SCAF4: variants seen among roughly 807,000 people sequenced by gnomAD.
The protein encoded by SCAF4 is SR-related and CTD-associated factor 4.
SCAF4 carries 25 observed loss-of-function variants against 129.8 expected under a neutral mutation model. The observed-to-expected ratio is 0.19, with a 90% CI of 0.14 to 0.27. The LOEUF (loss-of-function observed/expected upper bound fraction) is 0.27. Ranked by LOEUF, SCAF4 falls within the 10% of genes least tolerant of loss-of-function variation. The pLI, the probability that SCAF4 is intolerant of heterozygous loss-of-function variation, is 1.00. For synonymous variants in SCAF4, 551 were observed against 497.7 expected (o/e 1.11, Z -1.43); for missense variants, 1,246 against 1,457.1 (o/e 0.86, Z 2.36).
At chr21:31,674,243 T>C (rs2123459757) in intron 19 of SCAF4, among the ~76,000 whole-genome samples, 1 of 152,282 alleles carries the variant, frequency 6.6e-6, no homozygotes, top group African/African-American at 2.4e-5. Flanking sequence ...CTTTACAGCA[T>C]TCATTTGAGG....
chr21:31,718,166 G>C (rs2050985064), intron 1 of SCAF4, among the ~76,000 whole-genome samples: 1 of 152,080 alleles, frequency 6.6e-6, no homozygotes, highest in African/African-American at 2.4e-5. Flanking sequence ...GGCTGGTCTT[G>C]AACTCCTGAC....
At chr21:31,686,070 G>A (rs1042157177) in intron 16 of SCAF4, among the ~76,000 whole-genome samples, 1 of 151,952 alleles carries the variant, frequency 6.6e-6, no homozygotes, top group African/African-American at 2.4e-5. Flanking sequence ...GGGTGTGGTG[G>A]CAAGCACCTG....
At chr21:31,691,448 G>A (rs909442773) in intron 14 of SCAF4, among the ~76,000 whole-genome samples, 1 of 152,132 alleles carries the variant, frequency 6.6e-6, no homozygotes, top group African/African-American at 2.4e-5. Flanking sequence ...CACCTTTGGT[G>A]AATATTTTTC....
At chr21:31,688,114 C>CAAAAA (rs61592268) in intron 16 of SCAF4, among the ~76,000 whole-genome samples, 193 bp downstream of exon 16, 121 of 10,904 alleles carry the variant, frequency 0.011, 25 homozygotes, top group East Asian at 0.014. Context: ...GACTCTGTCT[C>CAAAAA]AAAAAAAAAA....
intron 1 of SCAF4, among the ~76,000 whole-genome samples, chr21:31,717,119 A>G (rs1403755693): frequency 2.0e-5 from 3 of 152,226 alleles, no homozygotes; most frequent in Admixed American, 2.0e-4. Context: ...TAAAGCAAAA[A>G]GAGTACTGGG....
chr21:31,709,192 G>C (rs541692170), intron 1 of SCAF4, among the ~76,000 whole-genome samples: 15 of 152,056 alleles, frequency 9.9e-5, no homozygotes, highest in African/African-American at 2.7e-4. Flanking sequence ...CTGTGGGGGT[G>C]GGGGGGAGCG....
At chr21:31,731,637 AC>A (rs1320780524) in intron 1 of SCAF4, 25 bp downstream of exon 1, 26 of 1,585,812 alleles carry the variant, frequency 1.6e-5, no homozygotes, top group East Asian at 4.8e-5. Flanking sequence ...CAGGCCCGGC[AC>A]CCCCCTGCCC....
At chr21:31,694,456 A>G (rs1461597422) in intron 10 of SCAF4, among the ~76,000 whole-genome samples, 167 bp from the exon 11 acceptor site, 5 of 152,230 alleles carry the variant, frequency 3.3e-5, no homozygotes, top group Non-Finnish European at 7.3e-5. Context: ...GGAAAAAAAA[A>G]CAAAAACAAA....
At position 31,694,970 on chromosome 21, in the gene SCAF4, G is replaced by A; in HGVS notation, c.1079C>T (p.Pro360Leu). 1.1e-5 allele frequency: 18 copies of A among 1,613,776 alleles called. No individual in the cohort carries two copies. Among genetic ancestry groups the A allele is most frequent in the Non-Finnish European group, 1.5e-5 (18 of 1,179,766 alleles). The change falls in exon 10 of 20, where the codon CCT becomes CTT. Residue 360 changes from proline (P) to leucine (L), a missense_variant. Transcript: ENST00000286835. ...QDPMHHQVPL[P>L]PNGQMPGFGL... Reference sequence around the variant, plus strand: ...AAATCCTGGCATTTGTCCATTAGGAGGAAGTGGAACCTTTCATTTTTAAAG... The same window carrying A: ...AAATCCTGGCATTTGTCCATTAGGAAGAAGTGGAACCTTTCATTTTTAAAG...
intron 19 of SCAF4, chr21:31,684,460 T>C (rs2050067091): frequency 6.5e-6 from 1 of 152,982 alleles, no homozygotes; most frequent in Admixed American, 6.5e-5. Context: ...GGGTAAAAAG[T>C]ACAACAGATA....
At chr21:31,719,574 A>G (rs1033591328) in intron 1 of SCAF4, among the ~76,000 whole-genome samples, 4 of 151,958 alleles carry the variant, frequency 2.6e-5, no homozygotes, top group African/African-American at 7.3e-5. Context: ...GTGTGATCTC[A>G]GCGCACCACA....
At chr21:31,710,362 A>G (rs893283037) in intron 1 of SCAF4, among the ~76,000 whole-genome samples, 2 of 152,156 alleles carry the variant, frequency 1.3e-5, no homozygotes, top group African/African-American at 2.4e-5. Flanking sequence ...CGGCCTGGCC[A>G]ACATGGTGAA....
At chr21:31,730,390 T>C (rs938040795) in intron 1 of SCAF4, among the ~76,000 whole-genome samples, 1 of 152,226 alleles carries the variant, frequency 6.6e-6, no homozygotes, top group Non-Finnish European at 1.5e-5. Context: ...GGGCATTTTA[T>C]GTACCCATCA....
At position 31,688,114 on chromosome 21, in the gene SCAF4, C is replaced by CAAAAAAAAAAAAA. The variant is rs61592268; in HGVS notation, c.2043+180_2043+192dup. 7.3e-4 allele frequency among the ~76,000 whole-genome samples: 8 copies of CAAAAAAAAAAAAA among 10,906 alleles called. 1 individual carries two copies. The highest frequency in any genetic ancestry group is 1.3e-3 in the African/African-American group (4 of 3,180). The allele number at this position is 10,906 out of a possible 152,430, so 7.2% of individuals were successfully genotyped here. A position where few individuals can be genotyped will look rare whatever the true frequency, so the allele number is the denominator to read the frequency against. ...TGGGCAACAAAGAGAGACTCTGTCT[C>CAAAAAAAAAAAAA]AAAAAAAAAAAAAAAAAAAAAAAAA... On this transcript the variant is annotated intron_variant, in intron 16 of 19. Transcript: ENST00000286835.
chr21:31,717,902 TATACAC>T (rs1468124905), intron 1 of SCAF4, among the ~76,000 whole-genome samples: 2,351 of 95,542 alleles, frequency 0.025, 55 homozygotes, highest in East Asian at 0.088. Context: ...TATACACATA[TATACAC>T]ACACACACAC....
intron 7 of SCAF4, 132 bp from the exon 8 acceptor site, chr21:31,696,882 T>TGCC (rs1334282357): frequency 8.1e-6 from 6 of 740,302 alleles, no homozygotes; most frequent in Non-Finnish European, 1.3e-5. Flanking sequence ...TTTTCCCTTA[T>TGCC]GCCCCTCAGG....
At position 31,704,261 on chromosome 21, in the gene SCAF4, C is replaced by T. The variant is rs141195937; in HGVS notation, c.160-335G>A. On this transcript the variant is annotated intron_variant, in intron 3 of 19. Transcript: ENST00000286835. ...TTATTATGATAGTCTCTACAATTCA[C>T]CCTGCTCAAAAAGGTAATTTTTATC... 1.8e-3 allele frequency among the ~76,000 whole-genome samples: 274 copies of T among 152,148 alleles called. 1 individual carries two copies. Among genetic ancestry groups the T allele is most frequent in the Admixed American group, 0.016 (238 of 15,280 alleles).
At position 31,686,102 on chromosome 21, in the gene SCAF4, C is replaced by G. The variant is rs1016687199; in HGVS notation, c.2044-369G>C. Among the ~76,000 whole-genome samples the G allele has an allele frequency of 2.6e-5, 4 of 150,974 alleles. No homozygotes were observed. In the East Asian group the frequency reaches 5.9e-4, roughly 22 times the overall value. Reference sequence around the variant, plus strand: ...CCTGTAATCCCAGCTACTCCGGAGGCTGAGGCAGGAGAATTGCTTGAACTC... The same window carrying G: ...CCTGTAATCCCAGCTACTCCGGAGGGTGAGGCAGGAGAATTGCTTGAACTC... On this transcript the variant is annotated intron_variant, in intron 16 of 19. Coordinates refer to ENST00000286835, the MANE Select transcript of SCAF4 (RefSeq NM_020706.2).
At chr21:31,679,214 A>G (rs1036359495) in intron 19 of SCAF4, among the ~76,000 whole-genome samples, 1 of 152,250 alleles carries the variant, frequency 6.6e-6, no homozygotes, top group Non-Finnish European at 1.5e-5. Flanking sequence ...TGATCTCTAC[A>G]GAATGAGTGT....
Sources: allele counts gnomAD v4.1 joint callset (sites outside exome capture counted in the v4.1 genomes callset), GRCh38; gene constraint gnomAD v4.1.1; transcripts MANE v1.5; gene names NCBI Gene and HGNC (gene_info 2026-07-23, HGNC 2026-07-21).